Variants in CLPTM1 observed in about 807,000 individuals in gnomAD.
CLPTM1 encodes CLPTM1 regulator of GABA type A receptor forward trafficking.
In CLPTM1, 21 loss-of-function variants were observed where a neutral mutation model predicts 77.3. That is an observed-to-expected ratio of 0.27 (90% CI 0.19 to 0.39). The LOEUF (loss-of-function observed/expected upper bound fraction) is 0.39, where lower values mean the gene tolerates loss of function less well. CLPTM1 is among the 10% of genes least tolerant of loss of function. The probability of loss-of-function intolerance (pLI) is 1.00; values close to 1 mark genes in which losing one functional copy is unlikely to be tolerated. For missense variants in CLPTM1, 642 were observed against 921.2 expected (o/e 0.70, Z 3.92); for synonymous variants, 373 against 381.0 (o/e 0.98, Z 0.24).
chr19:44,986,410 G>A (rs763341649), intron 6 of CLPTM1, 45 bp from the exon 7 acceptor site: 2 of 1,603,616 alleles, frequency 1.2e-6, no homozygotes, highest in South Asian at 1.1e-5. Flanking sequence ...TAGTCCCCGA[G>A]CACTTCCACC....
chr19:44,964,061 C>T (rs1334358662), intron 2 of CLPTM1, among the ~76,000 whole-genome samples: 1 of 151,908 alleles, frequency 6.6e-6, no homozygotes, highest in East Asian at 1.9e-4. Context: ...CCACTGGGCC[C>T]TGCCTGACCC....
intron 2 of CLPTM1, among the ~76,000 whole-genome samples, chr19:44,966,518 A>G (rs985913030): frequency 6.6e-6 from 1 of 152,228 alleles, no homozygotes; most frequent in Non-Finnish European, 1.5e-5. Context: ...GTTGTTTAAA[A>G]TAGAGAAAAG....
chr19:44,989,765 G>C (rs916178483), intron 9 of CLPTM1, among the ~76,000 whole-genome samples: 11 of 152,308 alleles, frequency 7.2e-5, no homozygotes, highest in Admixed American at 2.6e-4. Context: ...GGTCAAGAGA[G>C]GGGTGTCCGT....
At chr19:44,975,090 A>G (rs1000493576) in intron 4 of CLPTM1, among the ~76,000 whole-genome samples, 3 of 152,328 alleles carry the variant, frequency 2.0e-5, no homozygotes, top group South Asian at 2.1e-4. Flanking sequence ...CCAAGGCCAC[A>G]TCGCATGAGA....
At position 44,987,375 on chromosome 19, in the gene CLPTM1, G is replaced by T. The variant is rs760587810; in HGVS notation, c.990G>T (p.Leu330=). Residue 330 remains leucine, a synonymous_variant, in exon 8 of 14, where the codon CTG becomes CTT. Transcript: ENST00000337392. ...AQSTKSPWNF[L]GDELYEQSDE... is the part of the protein sequence containing the mutation. ...GCACCAAGTCGCCCTGGAACTTCCTGGGTGATGAGTTGTACGAGCAGTCAG... is the reference window on the plus strand; with the variant it reads ...GCACCAAGTCGCCCTGGAACTTCCTTGGTGATGAGTTGTACGAGCAGTCAG... 5 of 1,614,082 alleles carry T rather than the reference G, an allele frequency of 3.1e-6. No homozygotes were observed. The East Asian group carries it at 8.9e-5, about 29-fold the overall frequency.
Position 44,991,437 on chromosome 19 carries a change from T to C in CLPTM1, c.1555+64T>C. 1 of 1,576,198 alleles carries C rather than the reference T, an allele frequency of 6.3e-7. No individual in the cohort carries two copies. On this transcript the variant is annotated intron_variant, in intron 12 of 13. Transcript: ENST00000337392. This position sits in a 1 kb window ranked among gnomAD's most constrained non-coding sequence, Gnocchi z 5.4. ...TGCTGCGCAGGGCTCACAGCCCCAG[T>C]GTAGGAGACAGACCCATCCCCAGAC...
At chr19:44,955,136 C>G (rs1457363239), upstream of CLPTM1, 22 of 1,535,592 alleles carry the variant, frequency 1.4e-5, no homozygotes, top group Non-Finnish European at 8.7e-7. Context: ...GAGGCACATG[C>G]TGGCCGAGAA....
At chr19:44,958,215 C>T (rs1201499531) in intron 1 of CLPTM1, among the ~76,000 whole-genome samples, 1 of 151,880 alleles carries the variant, frequency 6.6e-6, no homozygotes, top group South Asian at 2.1e-4. Flanking sequence ...GCAGCCAGTG[C>T]GAAGGCCCTA....
rs1382864302 is a variant in CLPTM1, at chr19:44,981,048, A to G, written c.586+3588A>G. On this transcript the variant is annotated intron_variant, in intron 5 of 13. Transcript: ENST00000337392. Reference sequence around the variant, plus strand: ...AGTAGAGACCAGGTTTCACCGTGTTAGCCAGGATGGTCTTGATCTCCTGAC... The same window carrying G: ...AGTAGAGACCAGGTTTCACCGTGTTGGCCAGGATGGTCTTGATCTCCTGAC... Among the ~76,000 whole-genome samples the G allele has an allele frequency of 3.9e-5, 6 of 152,100 alleles. No individual in the cohort carries two copies. The East Asian group carries it at 9.7e-4, about 25-fold the overall frequency.
chr19:44,987,105 C>T, intron 7 of CLPTM1, 74 bp from the exon 8 acceptor site: 2 of 1,542,600 alleles, frequency 1.3e-6, no homozygotes, highest in African/African-American at 1.4e-5. Flanking sequence ...TTGGGTCTCT[C>T]CAGACATCTG....
chr19:44,988,228 C>T, intron 9 of CLPTM1, 55 bp downstream of exon 9: 1 of 1,290,234 alleles, frequency 7.8e-7, no homozygotes, highest in Non-Finnish European at 1.1e-6. Context: ...GGGACAGGAC[C>T]TGCCCCCTTC....
chr19:44,955,556 G>A (rs1970449256), intron 1 of CLPTM1, 89 bp downstream of exon 1: 1 of 1,174,958 alleles, frequency 8.5e-7, no homozygotes. Context: ...ACGGAATCCC[G>A]TGCACTGGGG....
chr19:44,954,952 T>A, upstream of CLPTM1: 7 of 1,531,242 alleles, frequency 4.6e-6, no homozygotes, highest in Non-Finnish European at 6.1e-6. Flanking sequence ...GAAAGGTTCC[T>A]CTGACGAAAG....
chr19:44,993,152 C>T lies in CLPTM1; in HGVS notation c.*255C>T. 2.2e-6 allele frequency: 1 copy of T among 446,552 alleles called. No individual in the cohort carries two copies. Among genetic ancestry groups the T allele is most frequent in the South Asian group, 1.6e-5 (1 of 64,226 alleles). The allele number at this position is 446,552 out of a possible 1,614,324, so 27.7% of individuals were successfully genotyped here. A position where few individuals can be genotyped will look rare whatever the true frequency, so the allele number is the denominator to read the frequency against. On this transcript the variant is annotated 3_prime_UTR_variant, in exon 14 of 14. Coordinates refer to ENST00000337392, the MANE Select transcript of CLPTM1 (RefSeq NM_001294.4). Reference sequence around the variant, plus strand: ...CTGCCAGCCCAGCACCACTGGGAATCATGGTGAAGCTGATGCAGCGTTGCC... The same window carrying T: ...CTGCCAGCCCAGCACCACTGGGAATTATGGTGAAGCTGATGCAGCGTTGCC...
rs766412830 is a variant in CLPTM1, at chr19:44,992,538, G to A, written c.1724-73G>A. On this transcript the variant is annotated intron_variant, in intron 13 of 13. Transcript: ENST00000337392. This position sits in a 1 kb window ranked among gnomAD's most constrained non-coding sequence, Gnocchi z 7.7. The stretch of plus-strand genomic sequence containing the variant: ...GGGCTCGGCCCCGCCCTTGCATCAC[G>A]CCCTCTCCACCCAGGCCCACCTGGC... The A allele has an allele frequency of 1.1e-5, 18 of 1,598,332 alleles. No homozygotes were observed. The highest frequency in any genetic ancestry group is 4.0e-5 in the African/African-American group (3 of 74,660).
chr19:44,977,206 G>C, intron 4 of CLPTM1, 137 bp from the exon 5 acceptor site: 1 of 700,526 alleles, frequency 1.4e-6, no homozygotes, highest in Non-Finnish European at 2.6e-6. Flanking sequence ...CCAGCTACAT[G>C]CCCCACCCTG....
At chr19:44,970,038 G>C (rs1378312735) in intron 2 of CLPTM1, among the ~76,000 whole-genome samples, 2 of 146,958 alleles carry the variant, frequency 1.4e-5, no homozygotes, top group African/African-American at 2.7e-5. Flanking sequence ...GTTTCCTTTT[G>C]TGCCTGGCTT....
chr19:44,985,617 T>TCTCACCCACACAGCCAGGCCCC (rs1310893639), intron 6 of CLPTM1, among the ~76,000 whole-genome samples: 13 of 152,270 alleles, frequency 8.5e-5, no homozygotes, highest in Non-Finnish European at 1.5e-5. Flanking sequence ...GGCCAGGGAC[T>TCTCACCCACACAGCCAGGCCCC]CTCACCCACA....
intron 1 of CLPTM1, among the ~76,000 whole-genome samples, chr19:44,959,101 GAC>G (rs1568639777): frequency 6.6e-6 from 1 of 152,210 alleles, no homozygotes; most frequent in African/African-American, 2.4e-5. Context: ...CTGCAGACAT[GAC>G]ACAGTTTATT....
Sources: allele counts gnomAD v4.1 joint callset (sites outside exome capture counted in the v4.1 genomes callset), GRCh38; gene constraint gnomAD v4.1.1; non-coding constraint Gnocchi (gnomAD v3.1); transcripts MANE v1.5; gene names NCBI Gene and HGNC (gene_info 2026-07-23, HGNC 2026-07-21).